ZNF831: variants seen among roughly 807,000 people sequenced by gnomAD.
ZNF831 encodes zinc finger protein 831, also known as chromosome 20 open reading frame 174.
Under a neutral mutation model 95.8 loss-of-function variants are expected in ZNF831, and 59 were observed. The observed-to-expected ratio is 0.62, with a 90% CI of 0.50 to 0.77. The LOEUF is 0.77. ZNF831 is among the 30% of genes least tolerant of loss of function. The pLI, the probability that ZNF831 is intolerant of heterozygous loss-of-function variation, is 0.00. For synonymous variants in ZNF831, 961 were observed against 925.5 expected (o/e 1.04, Z -0.70); for missense variants, 2,205 against 2,164.0 (o/e 1.02, Z -0.38).
intron 4 of ZNF831, among the ~76,000 whole-genome samples, chr20:59,252,305 T>G (rs1186469324): frequency 1.3e-5 from 2 of 152,162 alleles, no homozygotes; most frequent in Non-Finnish European, 1.5e-5. Context: ...CACAGTCGTT[T>G]TAAGATATTT....
intron 4 of ZNF831, among the ~76,000 whole-genome samples, chr20:59,239,171 CTTTT>C (rs559652158): frequency 6.6e-6 from 1 of 151,688 alleles, no homozygotes; most frequent in Non-Finnish European, 1.5e-5. Context: ...TCCACATTGA[CTTTT>C]TTTTTCTTTA....
intron 1 of ZNF831, among the ~76,000 whole-genome samples, chr20:59,175,418 T>A (rs538237969): frequency 4.6e-5 from 7 of 152,202 alleles, no homozygotes; most frequent in South Asian, 2.1e-4. Flanking sequence ...TGTTCATTTT[T>A]TTTTTATTTT....
intron 1 of ZNF831, among the ~76,000 whole-genome samples, chr20:59,174,257 T>A (rs1601332993): frequency 6.6e-6 from 1 of 152,180 alleles, no homozygotes; most frequent in African/African-American, 2.4e-5. Context: ...TCTGGAAGGC[T>A]GCAGATGGAT....
chr20:59,226,925 A>G (rs1986464989), intron 4 of ZNF831, among the ~76,000 whole-genome samples: 1 of 152,100 alleles, frequency 6.6e-6, no homozygotes, highest in Non-Finnish European at 1.5e-5. Flanking sequence ...CATAGCCATA[A>G]GCACCCATTC....
intron 4 of ZNF831, among the ~76,000 whole-genome samples, chr20:59,218,595 G>A (rs933279835): frequency 6.9e-6 from 1 of 145,214 alleles, no homozygotes; most frequent in Non-Finnish European, 1.5e-5. Flanking sequence ...TAGCGTGACT[G>A]TTTTTTTTTT....
chr20:59,240,039 C>G (rs887698011), intron 4 of ZNF831, among the ~76,000 whole-genome samples: 3 of 151,988 alleles, frequency 2.0e-5, no homozygotes, highest in Non-Finnish European at 4.4e-5. Context: ...GAAGTGGAAG[C>G]GTGGAAGACT....
upstream of ZNF831, among the ~76,000 whole-genome samples, chr20:59,163,782 G>A (rs887472553): frequency 2.0e-5 from 3 of 151,366 alleles, no homozygotes; most frequent in Non-Finnish European, 2.9e-5. Flanking sequence ...GTGACGTTAG[G>A]TAATGTATAG....
Position 59,254,274 on chromosome 20 carries a change from G to C in ZNF831, c.4565G>C (p.Arg1522Thr), listed in dbSNP as rs1988064053. Reference protein sequence around the residue: ...ESRDHSQTAGRTLTSSSPDSK... With the variant: ...ESRDHSQTAGTTLTSSSPDSK... ...CGAGACCACAGCCAGACTGCAGGGA[G>C]GACTCTGACATCAAGCTCCCCAGAC... The change falls in exon 6 of 6, where the codon AGG becomes ACG. Residue 1522 changes from arginine to threonine, a missense_variant. Transcript: ENST00000371030. The surrounding 1 kb of genome is among the most constrained non-coding windows in gnomAD (Gnocchi z 4.5). The C allele has an allele frequency of 3.1e-6, 5 of 1,613,990 alleles. No homozygotes were observed. In the East Asian group the frequency reaches 1.1e-4, roughly 36 times the overall value.
rs1318815159 is a variant in ZNF831, at chr20:59,193,443, G to A, written c.2424G>A (p.Trp808Ter). 4 of 1,604,176 alleles carry A rather than the reference G, an allele frequency of 2.5e-6. No homozygotes were observed. Among genetic ancestry groups the A allele is most frequent in the Admixed American group, 3.4e-5 (2 of 59,056 alleles). The stretch of plus-strand genomic sequence containing the variant: ...TGTGGGCCCAGACTGTCCTGAGATG[G>A]CCCAGCAGGGGCTCAGGGGAGGACA... ...TCLWAQTVLR[W>*]PSRGSGEDKL... Residue 808 changes from tryptophan to a stop codon, truncating the protein, a stop_gained, in exon 2 of 6, where the codon TGG becomes TGA. Coordinates refer to ENST00000371030, the MANE Select transcript of ZNF831 (RefSeq NM_178457.3). LOFTEE classifies it high-confidence loss of function.
intron 4 of ZNF831, among the ~76,000 whole-genome samples, chr20:59,228,764 C>A (rs1299698922): frequency 6.6e-6 from 1 of 152,180 alleles, no homozygotes; most frequent in Admixed American, 6.5e-5. Context: ...ATGACCAAGT[C>A]AGGGAAATTG....
chr20:59,185,559 C>G (rs1202081551), intron 1 of ZNF831, among the ~76,000 whole-genome samples: 3 of 152,096 alleles, frequency 2.0e-5, no homozygotes, highest in Non-Finnish European at 4.4e-5. Context: ...GGGTGACAAC[C>G]CCCTCAATTT....
intron 1 of ZNF831, among the ~76,000 whole-genome samples, chr20:59,130,793 G>T (rs542567036): frequency 3.3e-5 from 5 of 152,248 alleles, no homozygotes; most frequent in African/African-American, 1.2e-4. Flanking sequence ...AGGTCTGGGA[G>T]TTGGGGACAG....
chr20:59,176,670 C>T (rs1375051558), intron 1 of ZNF831, among the ~76,000 whole-genome samples: 1 of 152,186 alleles, frequency 6.6e-6, no homozygotes, highest in Non-Finnish European at 1.5e-5. Flanking sequence ...AGTGCCTATC[C>T]ATACCTTGTA....
intron 1 of ZNF831, among the ~76,000 whole-genome samples, chr20:59,178,916 G>A (rs1002334531): frequency 6.6e-6 from 1 of 152,142 alleles, no homozygotes; most frequent in African/African-American, 2.4e-5. Context: ...GTCCTCCAGA[G>A]CCCGCTCTCT....
intron 4 of ZNF831, among the ~76,000 whole-genome samples, chr20:59,225,721 C>T (rs555754097): frequency 1.3e-5 from 2 of 152,246 alleles, no homozygotes; most frequent in African/African-American, 4.8e-5. Context: ...GTGGTGGGGG[C>T]CAGCAGGCCT....
intron 4 of ZNF831, among the ~76,000 whole-genome samples, chr20:59,219,865 G>A (rs960538120): frequency 5.9e-5 from 9 of 152,226 alleles, no homozygotes; most frequent in African/African-American, 2.2e-4. Flanking sequence ...TGTGCCGACA[G>A]AAGGTGGGAA....
upstream of ZNF831, chr20:59,159,859 CTG>C (rs1980754691): frequency 6.6e-6 from 1 of 152,314 alleles, no homozygotes; most frequent in African/African-American, 2.4e-5. Context: ...GGAATATAGA[CTG>C]TGCTTTGGAG....
chr20:59,221,718 A>G (rs1176668358), intron 4 of ZNF831, among the ~76,000 whole-genome samples: 4 of 152,192 alleles, frequency 2.6e-5, no homozygotes, highest in Non-Finnish European at 5.9e-5. Flanking sequence ...AACTCTTAAA[A>G]TTTTGGCTTG....
At chr20:59,187,352 C>CA (rs1983134178) in intron 1 of ZNF831, among the ~76,000 whole-genome samples, 2 of 152,092 alleles carry the variant, frequency 1.3e-5, no homozygotes, top group Admixed American at 6.5e-5. Flanking sequence ...AAGGGGACCC[C>CA]AGAGAGCTCC....
Sources: gnomAD v4.1 joint callset for allele counts (sites outside exome capture counted in the v4.1 genomes callset) on GRCh38, gnomAD v4.1.1 for gene constraint, Gnocchi (gnomAD v3.1) non-coding constraint, MANE v1.5 for transcripts, NCBI Gene and HGNC (gene_info 2026-07-23, HGNC 2026-07-21) for gene names.